FBXO30: variants seen among roughly 807,000 people sequenced by gnomAD.
FBXO30 encodes F-box only protein 30.
FBXO30 carries 21 observed loss-of-function variants against 58.1 expected under a neutral mutation model. The observed-to-expected ratio is 0.36, with a 90% CI of 0.26 to 0.52. FBXO30 has a LOEUF of 0.52. Ranked by LOEUF, FBXO30 falls within the 20% of genes least tolerant of loss-of-function variation. The probability of loss-of-function intolerance (pLI) is 0.93; values close to 1 mark genes in which losing one functional copy is unlikely to be tolerated. For missense variants in FBXO30, 744 were observed against 897.3 expected, an observed-to-expected ratio of 0.83 and a Z score of 2.18; for synonymous variants, 309 against 312.4, an observed-to-expected ratio of 0.99 and a Z score of 0.11.
At chr6:145,800,333 T>C in intron 2 of FBXO30, 24 bp from the exon 3 acceptor site, 1 of 1,595,696 alleles carries the variant, frequency 6.3e-7, no homozygotes, top group Non-Finnish European at 8.6e-7. Flanking sequence ...CTACTTTAGA[T>C]TTAAACAAGT....
rs1174737232 is a variant in FBXO30, at chr6:145,797,729, T to C, written c.*2377A>G. ...GAAAGATTAAGCTAACAGGCAGTAT[T>C]GAGGAAGGAGGCAGAGGACAAAAGT... On this transcript the variant is annotated 3_prime_UTR_variant, in exon 3 of 3. Coordinates refer to ENST00000237281, the MANE Select transcript of FBXO30 (RefSeq NM_032145.5). 6.6e-6 allele frequency: 1 copy of C among 152,038 alleles called. No individual in the cohort carries two copies. Among genetic ancestry groups the C allele is most frequent in the Non-Finnish European group, 1.5e-5 (1 of 67,940 alleles). 9.4% of individuals were successfully genotyped at this position (152,038 alleles called of 1,614,324 possible). A position where few individuals can be genotyped will look rare whatever the true frequency, so the allele number is the denominator to read the frequency against.
rs201482037 is a variant in FBXO30, at chr6:145,805,599, T to C, written c.807A>G (p.Leu269=). ...AAGAACTTGTATTCAAGTCACATAA[T>C]AAATCACTTGAACCATTTTGTTCAG... ...AQSEQNGSSD[L]LCDLNTSSYD... The change falls in exon 2 of 3, where the codon TTA becomes TTG. Residue 269 remains leucine (L), a synonymous_variant. Transcript: ENST00000237281. 37 of 1,613,908 alleles carry C rather than the reference T, an allele frequency of 2.3e-5. No homozygotes were observed. The highest frequency in any genetic ancestry group is 2.6e-5 in the Non-Finnish European group (31 of 1,179,934).
At position 145,804,982 on chromosome 6, in the gene FBXO30, C is replaced by T; in HGVS notation, c.1424G>A (p.Gly475Glu). 1 of 1,613,876 alleles carries T rather than the reference C, an allele frequency of 6.2e-7. No individual in the cohort carries two copies. ...ACAAGCTGAAGCTGAAGCTATCTCCCCAACCATTGTACTTGTAGCTAATAT... is the reference window on the plus strand; with the variant it reads ...ACAAGCTGAAGCTGAAGCTATCTCCTCAACCATTGTACTTGTAGCTAATAT... ...SAILATSTMVGEIASASACDH... is the reference protein window; with the variant it reads ...SAILATSTMVEEIASASACDH... Residue 475 changes from glycine to glutamate, a missense_variant, in exon 2 of 3, where the codon GGG becomes GAG. Coordinates refer to ENST00000237281, the MANE Select transcript of FBXO30 (RefSeq NM_032145.5).
chr6:145,809,151 AATAT>A (rs1368445220), intron 1 of FBXO30, among the ~76,000 whole-genome samples: 4 of 152,232 alleles, frequency 2.6e-5, no homozygotes, highest in African/African-American at 4.8e-5. Context: ...TAAGTATAGA[AATAT>A]ATAAATAGAC....
rs972394940 is a variant in FBXO30 at position 145,794,594 on chromosome 6, T to A, written c.*5512A>T. On this transcript the variant is annotated 3_prime_UTR_variant, in exon 3 of 3. Coordinates refer to ENST00000237281, the MANE Select transcript of FBXO30 (RefSeq NM_032145.5). ...TATTTTATTTAAAATACAGATTTTT[T>A]AAAAAGTCATCAATTGATATAAAAG... 10 of 151,904 alleles carry A rather than the reference T, an allele frequency of 6.6e-5. No homozygotes were observed. In the South Asian group the frequency reaches 1.0e-3, roughly 16 times the overall value. 9.4% of individuals were successfully genotyped at this position (151,904 alleles called of 1,614,324 possible). A position where few individuals can be genotyped will look rare whatever the true frequency, so the allele number is the denominator to read the frequency against.
rs1022643265 is a variant in FBXO30 at position 145,797,934 on chromosome 6, G to C, written c.*2172C>G. ...AACTTTTAGAGCTATAACCATGCTA[G>C]AAACTCTTCCGCCTTTCAGTGCACC... On this transcript the variant is annotated 3_prime_UTR_variant, in exon 3 of 3. Coordinates refer to ENST00000237281, the MANE Select transcript of FBXO30 (RefSeq NM_032145.5). 6.6e-6 allele frequency: 1 copy of C among 151,962 alleles called. No homozygotes were observed. The highest frequency in any genetic ancestry group is 2.4e-5 in the African/African-American group (1 of 41,404). The allele number at this position is 151,962 out of a possible 1,614,324, so 9.4% of individuals were successfully genotyped here.
chr6:145,813,093 T>C (rs1778378486), intron 1 of FBXO30, among the ~76,000 whole-genome samples: 1 of 152,188 alleles, frequency 6.6e-6, no homozygotes, highest in Non-Finnish European at 1.5e-5. Flanking sequence ...CCAATGCCTA[T>C]TTTGGTGACC....
chr6:145,808,117 G>C (rs1353626713), intron 1 of FBXO30, among the ~76,000 whole-genome samples: 2 of 151,978 alleles, frequency 1.3e-5, no homozygotes, highest in Admixed American at 6.6e-5. Context: ...CTGGGTGACA[G>C]AGTGAGGCTC....
Position 145,800,303 on chromosome 6 carries a change from G to A in FBXO30, c.2041C>T (p.Arg681Ter), listed in dbSNP as rs556702677. Residue 681 changes from arginine to a stop codon, truncating the protein, a stop_gained, in exon 3 of 3, where the codon CGA becomes TGA. Coordinates refer to ENST00000237281, the MANE Select transcript of FBXO30 (RefSeq NM_032145.5). LOFTEE classifies it high-confidence loss of function. ...SSWQIKEKVWRFSTAFCSVNE... is the reference protein window; with the variant it reads ...SSWQIKEKVW The stretch of plus-strand genomic sequence containing the variant: ...ACAGAACAAAATGCAGTACTAAATC[G>A]CCATACCTACAAGAAAATTCTACTT... 1 of 1,610,998 alleles carries A rather than the reference G, an allele frequency of 6.2e-7. No individual in the cohort carries two copies. The highest frequency in any genetic ancestry group is 1.3e-5 in the African/African-American group (1 of 74,728).
intron 1 of FBXO30, among the ~76,000 whole-genome samples, chr6:145,807,643 G>A (rs554263528): frequency 1.3e-5 from 2 of 152,198 alleles, no homozygotes; most frequent in South Asian, 4.2e-4. Context: ...ATGTCTAATG[G>A]TCTTCCCTGC....
chr6:145,811,262 A>T (rs2128668239), intron 1 of FBXO30, among the ~76,000 whole-genome samples: 1 of 152,348 alleles, frequency 6.6e-6, no homozygotes, highest in South Asian at 2.1e-4. Context: ...AAAACTACAT[A>T]TTCCACATAA....
In FBXO30 at chr6:145,795,757, A is replaced by G. The variant is rs977740406; in HGVS notation, c.*4349T>C. 1.3e-5 allele frequency: 2 copies of G among 151,952 alleles called. No individual in the cohort carries two copies. Among genetic ancestry groups the G allele is most frequent in the Non-Finnish European group, 1.5e-5 (1 of 67,860 alleles). The allele number at this position is 151,952 out of a possible 1,614,324, so 9.4% of individuals were successfully genotyped here. The stretch of plus-strand genomic sequence containing the variant: ...TGTGCTAAGGTAACAAAGCACCTCA[A>G]GATGTATCGCCATTAATACATCTCA... On this transcript the variant is annotated 3_prime_UTR_variant, in exon 3 of 3. Transcript: ENST00000237281.
chr6:145,809,093 A>T (rs1265461012), intron 1 of FBXO30, among the ~76,000 whole-genome samples: 1 of 152,216 alleles, frequency 6.6e-6, no homozygotes, highest in Non-Finnish European at 1.5e-5. Flanking sequence ...AAAACTACAA[A>T]TTATGAGTTG....
At chr6:145,813,663 A>AT (rs1354444271) in intron 1 of FBXO30, among the ~76,000 whole-genome samples, 5 of 133,814 alleles carry the variant, frequency 3.7e-5, no homozygotes, top group African/African-American at 1.4e-4. Context: ...GGAAATTAAA[A>AT]TTTAAAAAGT....
chr6:145,799,632 C>T lies in FBXO30; in HGVS notation c.*474G>A, dbSNP rs1215978145. The T allele has an allele frequency of 6.5e-6, 1 of 152,920 alleles. No individual in the cohort carries two copies. The highest frequency in any genetic ancestry group is 1.9e-4 in the East Asian group (1 of 5,194). The allele number at this position is 152,920 out of a possible 1,614,324, so 9.5% of individuals were successfully genotyped here. On this transcript the variant is annotated 3_prime_UTR_variant, in exon 3 of 3. Transcript: ENST00000237281. ...GCATTAACAATTGTATAGGGAAGCACTAAAAGACAAAAACATTATAATGAT... is the reference window on the plus strand; with the variant it reads ...GCATTAACAATTGTATAGGGAAGCATTAAAAGACAAAAACATTATAATGAT...
At position 145,799,960 on chromosome 6, in the gene FBXO30, TA is replaced by T; in HGVS notation, c.*145del. The T allele has an allele frequency of 1.5e-6, 1 of 645,972 alleles. No individual in the cohort carries two copies. Among genetic ancestry groups the T allele is most frequent in the Non-Finnish European group, 2.5e-6 (1 of 400,882 alleles). The allele number at this position is 645,972 out of a possible 1,614,324, so 40.0% of individuals were successfully genotyped here. A position where few individuals can be genotyped will look rare whatever the true frequency, so the allele number is the denominator to read the frequency against. ...CTTTTTCCAACTAAACAGTACTTTA[TA>T]AAAATAGATGTCACTTCAAAACATT... On this transcript the variant is annotated 3_prime_UTR_variant, in exon 3 of 3. Coordinates refer to ENST00000237281, the MANE Select transcript of FBXO30 (RefSeq NM_032145.5).
chr6:145,803,441 A>G lies in FBXO30; in HGVS notation c.2034+931T>C, dbSNP rs2128665575. Among the ~76,000 whole-genome samples the G allele has an allele frequency of 1.3e-5, 2 of 152,296 alleles. 1 individual carries two copies. The highest frequency in any genetic ancestry group is 4.1e-4 in the South Asian group (2 of 4,820). On this transcript the variant is annotated intron_variant, in intron 2 of 2. Transcript: ENST00000237281. ...GAAAAATCAGTGCAATGAATGCAAG[A>G]AAACCTAAAGGTGCTACGAATAAAG...
intron 1 of FBXO30, among the ~76,000 whole-genome samples, chr6:145,812,265 T>C (rs185013281): frequency 6.6e-6 from 1 of 152,210 alleles, no homozygotes; most frequent in Admixed American, 6.5e-5. Flanking sequence ...GTCATGGTCA[T>C]GAGTAGCTTA....
At chr6:145,804,009 C>G (rs561513967) in intron 2 of FBXO30, among the ~76,000 whole-genome samples, 2 of 152,222 alleles carry the variant, frequency 1.3e-5, no homozygotes, top group East Asian at 1.9e-4. Context: ...GAAAAAAACC[C>G]TCTTCTTGCT....
Sources: allele counts gnomAD v4.1 joint callset (sites outside exome capture counted in the v4.1 genomes callset), GRCh38; gene constraint gnomAD v4.1.1; transcripts MANE v1.5; gene names NCBI Gene and HGNC (gene_info 2026-07-23, HGNC 2026-07-21).